Variants in BASP1 observed in about 807,000 individuals in gnomAD.
BASP1 encodes the protein brain acid soluble protein 1.
BASP1 carries 1 observed loss-of-function variant against 2.2 expected under a neutral mutation model. The observed-to-expected ratio is 0.46, with a 90% confidence interval of 0.16 to 2.17. The LOEUF (loss-of-function observed/expected upper bound fraction) is 2.17, where lower values mean the gene tolerates loss of function less well. Ranked by LOEUF, BASP1 falls within the 30% of genes most tolerant of loss-of-function variation. The pLI is 0.27. For missense variants in BASP1, 352 were observed against 327.2 expected (o/e 1.08, Z -0.58); for synonymous variants, 187 against 154.2 (o/e 1.21, Z -1.58).
At chr5:17,242,085 T>C (rs779118514) in intron 1 of BASP1, among the ~76,000 whole-genome samples, 5 of 152,138 alleles carry the variant, frequency 3.3e-5, no homozygotes, top group Non-Finnish European at 7.4e-5. Flanking sequence ...GAGGAAGGGG[T>C]GAAATCATGC....
intron 1 of BASP1, among the ~76,000 whole-genome samples, chr5:17,248,771 C>G (rs1017929701): frequency 1.3e-5 from 2 of 152,120 alleles, no homozygotes; most frequent in Admixed American, 6.5e-5. Flanking sequence ...GAATCAAAAC[C>G]ATAATCTCTT....
At chr5:17,232,203 G>A (rs1739645376) in intron 1 of BASP1, among the ~76,000 whole-genome samples, 1 of 152,174 alleles carries the variant, frequency 6.6e-6, no homozygotes, top group South Asian at 2.1e-4. Context: ...TTACATTGTG[G>A]GAACCTTTCA....
At chr5:17,274,864 TATA>T (rs146961810) in intron 1 of BASP1, among the ~76,000 whole-genome samples, 2,563 of 152,262 alleles carry the variant, frequency 0.017, 67 homozygotes, top group African/African-American at 0.055. Context: ...AACAGTGTAA[TATA>T]ATAATTTAAC....
At chr5:17,264,524 A>G (rs970983207) in intron 1 of BASP1, among the ~76,000 whole-genome samples, 2 of 152,254 alleles carry the variant, frequency 1.3e-5, no homozygotes, top group African/African-American at 4.8e-5. Flanking sequence ...AAGGGTACAC[A>G]GTTAATGTGC....
At chr5:17,248,538 A>G (rs1740039833) in intron 1 of BASP1, among the ~76,000 whole-genome samples, 1 of 152,204 alleles carries the variant, frequency 6.6e-6, no homozygotes, top group Non-Finnish European at 1.5e-5. Context: ...ACTCTCGGGT[A>G]TGCTGTTGTT....
intron 1 of BASP1, among the ~76,000 whole-genome samples, chr5:17,245,268 C>G (rs541619024): frequency 2.0e-5 from 3 of 148,310 alleles, no homozygotes; most frequent in Non-Finnish European, 4.4e-5. Flanking sequence ...CACCATTACA[C>G]TCTAGCCTGG....
chr5:17,231,733 G>T (rs949717706), intron 1 of BASP1, among the ~76,000 whole-genome samples: 6 of 152,142 alleles, frequency 3.9e-5, no homozygotes, highest in African/African-American at 1.4e-4. Context: ...CCCTGCATTT[G>T]CCAGAATTGA....
At position 17,260,838 on chromosome 5, in the gene BASP1, T is replaced by C. The variant is rs979965608; in HGVS notation, c.-9-14370T>C. On this transcript the variant is annotated intron_variant, in intron 1 of 1. Transcript: ENST00000322611. This position sits in a 1 kb window ranked among gnomAD's most constrained non-coding sequence, Gnocchi z 4.2. ...AGATTCAAGTGAAGTCAGGCAAGCC[T>C]ATTTTACTGCTAAAACTTTGAACGC... 2.0e-5 allele frequency among the ~76,000 whole-genome samples: 3 copies of C among 152,216 alleles called. No homozygotes were observed. The highest frequency in any genetic ancestry group is 4.8e-5 in the African/African-American group (2 of 41,456).
intron 1 of BASP1, among the ~76,000 whole-genome samples, chr5:17,257,876 G>A (rs959498459): frequency 3.9e-5 from 6 of 152,224 alleles, no homozygotes; most frequent in Admixed American, 3.9e-4. Flanking sequence ...TAAGAAAGGA[G>A]CTTACAGAGC....
intron 1 of BASP1, among the ~76,000 whole-genome samples, chr5:17,222,990 A>G (rs554798583): frequency 1.3e-5 from 2 of 151,440 alleles, no homozygotes; most frequent in Admixed American, 1.3e-4. Context: ...TTTACACAAT[A>G]TTTTCCCCTT....
At chr5:17,239,968 A>G (rs1462194819) in intron 1 of BASP1, among the ~76,000 whole-genome samples, 1 of 152,022 alleles carries the variant, frequency 6.6e-6, no homozygotes, top group Non-Finnish European at 1.5e-5. Flanking sequence ...TATGGTTTGA[A>G]TATATGTGTT....
At chr5:17,218,881 C>A (rs1440450119) in intron 1 of BASP1, among the ~76,000 whole-genome samples, 1 of 152,142 alleles carries the variant, frequency 6.6e-6, no homozygotes, top group Non-Finnish European at 1.5e-5. Flanking sequence ...TATCTGCGTC[C>A]CCAGAGACAT....
At chr5:17,259,064 G>A (rs377541805) in intron 1 of BASP1, among the ~76,000 whole-genome samples, 1 of 152,146 alleles carries the variant, frequency 6.6e-6, no homozygotes, top group African/African-American at 2.4e-5. Context: ...AGATAAACCC[G>A]AGACTGGGCA....
chr5:17,237,330 C>A (rs1469332004), intron 1 of BASP1, among the ~76,000 whole-genome samples: 5 of 151,830 alleles, frequency 3.3e-5, no homozygotes, highest in African/African-American at 4.8e-5. Flanking sequence ...GGCGACACAG[C>A]GAGACTCCGT....
chr5:17,252,507 T>C (rs1253954271), intron 1 of BASP1, among the ~76,000 whole-genome samples: 1 of 152,050 alleles, frequency 6.6e-6, no homozygotes, highest in Non-Finnish European at 1.5e-5. Context: ...CCCAAGCACG[T>C]TTTTTGGAGA....
intron 1 of BASP1, among the ~76,000 whole-genome samples, chr5:17,262,691 T>A (rs1266873129): frequency 3.9e-5 from 6 of 152,226 alleles, no homozygotes; most frequent in Non-Finnish European, 8.8e-5. Context: ...CTGGTGAAAC[T>A]ATTGCTTTTC....
intron 1 of BASP1, among the ~76,000 whole-genome samples, chr5:17,230,844 A>G (rs1297414561): frequency 6.6e-6 from 1 of 152,194 alleles, no homozygotes; most frequent in African/African-American, 2.4e-5. Context: ...CTGGGATTAC[A>G]GGCCACTGCG....
At chr5:17,235,415 C>G (rs1386238057) in intron 1 of BASP1, among the ~76,000 whole-genome samples, 3 of 151,972 alleles carry the variant, frequency 2.0e-5, no homozygotes, top group Admixed American at 1.3e-4. Context: ...TGCCCGCCAC[C>G]AGGCCGGGCT....
intron 1 of BASP1, among the ~76,000 whole-genome samples, chr5:17,253,249 C>G (rs1290279822): frequency 6.6e-6 from 1 of 152,144 alleles, no homozygotes; most frequent in Non-Finnish European, 1.5e-5. Context: ...CTCACTCTGT[C>G]ACTCAGGCTG....
Sources: allele counts gnomAD v4.1 joint callset (sites outside exome capture counted in the v4.1 genomes callset), GRCh38; gene constraint gnomAD v4.1.1; non-coding constraint Gnocchi (gnomAD v3.1); transcripts MANE v1.5; gene names NCBI Gene and HGNC (gene_info 2026-07-23, HGNC 2026-07-21).